KIF24: variants seen among roughly 807,000 people sequenced by gnomAD.
The protein encoded by KIF24 is kinesin-like protein KIF24.
KIF24 carries 81 observed loss-of-function variants against 118.9 expected under a neutral mutation model. The ratio of observed to expected loss-of-function variants is 0.68; its 90% CI spans 0.57 to 0.82. KIF24 has a LOEUF of 0.82. Ranked by LOEUF, KIF24 falls within the 40% of genes least tolerant of loss-of-function variation. The pLI is 0.00. For missense variants in KIF24, 1,560 were observed against 1,661.6 expected (o/e 0.94, Z 1.06); for synonymous variants, 599 against 610.0 (o/e 0.98, Z 0.27).
chr9:34,276,355 T>A (rs965857975), intron 6 of KIF24, among the ~76,000 whole-genome samples: 4 of 146,526 alleles, frequency 2.7e-5, no homozygotes, highest in African/African-American at 7.7e-5. Context: ...TGAGCTGAGA[T>A]CGTGCCATTG....
At chr9:34,272,986 T>C (rs1005127110) in intron 6 of KIF24, among the ~76,000 whole-genome samples, 3 of 151,962 alleles carry the variant, frequency 2.0e-5, no homozygotes, top group Non-Finnish European at 4.4e-5. Flanking sequence ...AATCCCAGCT[T>C]CTCAGAAGTT....
At position 34,253,184 on chromosome 9, in the gene KIF24, C is replaced by CTTCT. The variant is rs1302420331; in HGVS notation, c.*1192_*1195dup. 4 of 152,256 alleles carry CTTCT rather than the reference C, an allele frequency of 2.6e-5. No homozygotes were observed. Among genetic ancestry groups the CTTCT allele is most frequent in the Non-Finnish European group, 4.4e-5 (3 of 68,042 alleles). 9.4% of individuals were successfully genotyped at this position (152,256 alleles called of 1,614,324 possible). ...TGTCTCAAGAGAGCCATTTAACCCT[C>CTTCT]TTCTTGGCCTTTTAATTAAGCCCTC... On this transcript the variant is annotated 3_prime_UTR_variant, in exon 13 of 13. Transcript: ENST00000402558.
At chr9:34,303,459 C>T (rs1456990438) in intron 3 of KIF24, among the ~76,000 whole-genome samples, 1 of 152,124 alleles carries the variant, frequency 6.6e-6, no homozygotes, top group Non-Finnish European at 1.5e-5. Context: ...TAATAGCTTT[C>T]CTAGTACTGA....
In KIF24 at chr9:34,285,370, G is replaced by A. The variant is rs548939894; in HGVS notation, c.1215+1247C>T. Among the ~76,000 whole-genome samples, 53 of 152,276 alleles carry A rather than the reference G, an allele frequency of 3.5e-4. 1 individual carries two copies. Among genetic ancestry groups the A allele is most frequent in the Non-Finnish European group, 5.1e-4 (35 of 68,016 alleles). On this transcript the variant is annotated intron_variant, in intron 6 of 12. Transcript: ENST00000402558. ...GGGCCAGGTGCGGTGGCTCACGCCT[G>A]TAATCCTAGCACTTTAAGAGGCCAA...
At chr9:34,323,724 G>A (rs1026360868) in intron 1 of KIF24, among the ~76,000 whole-genome samples, 1 of 152,128 alleles carries the variant, frequency 6.6e-6, no homozygotes, top group South Asian at 2.1e-4. Flanking sequence ...CATGGGACCA[G>A]GAATTATTTC....
chr9:34,287,459 C>T (rs1045204088), intron 5 of KIF24, among the ~76,000 whole-genome samples: 3 of 152,154 alleles, frequency 2.0e-5, no homozygotes, highest in African/African-American at 7.2e-5. Context: ...GGTCTACCAT[C>T]ATCATTAAAC....
intron 8 of KIF24, among the ~76,000 whole-genome samples, chr9:34,263,625 T>C (rs994165977): frequency 1.1e-4 from 17 of 152,124 alleles, no homozygotes; most frequent in African/African-American, 2.9e-4. Flanking sequence ...GAGTCAAGCA[T>C]AGATTCAGAT....
intron 2 of KIF24, among the ~76,000 whole-genome samples, chr9:34,307,078 A>AT (rs928326222): frequency 1.4e-4 from 22 of 151,912 alleles, no homozygotes; most frequent in African/African-American, 4.8e-4. Context: ...CTGAAAAAAA[A>AT]TTTTTTTTGA....
At chr9:34,277,571 T>C (rs116298015) in intron 6 of KIF24, among the ~76,000 whole-genome samples, 254 of 152,298 alleles carry the variant, frequency 1.7e-3, no homozygotes, top group African/African-American at 5.7e-3. Context: ...TTACAGACTT[T>C]TGAACTTGGG....
rs768953468 is a variant in KIF24 at position 34,257,487 on chromosome 9, T to C, written c.2120A>G (p.Gln707Arg). ...GKLSTKCKKVQTVQPVQKQLV... is the reference protein window; with the variant it reads ...GKLSTKCKKVRTVQPVQKQLV... ...CTGCTTCTGTACTGGCTGCACTGTC[T>C]GCACTTTCTTGCACTTGGTGGACAG... Residue 707 changes from glutamine to arginine, a missense_variant, in exon 11 of 13, where the codon CAG becomes CGG. Gln to Arg is a conservative substitution (Grantham distance 43). This residue lies in a region of KIF24 where 964 missense variants were observed against 988.0 expected (regional missense o/e 0.98). Coordinates refer to ENST00000402558, the MANE Select transcript of KIF24 (RefSeq NM_194313.4). The C allele has an allele frequency of 3.6e-5, 58 of 1,613,978 alleles. No homozygotes were observed. The highest frequency in any genetic ancestry group is 4.6e-5 in the Non-Finnish European group (54 of 1,179,920).
intron 1 of KIF24, among the ~76,000 whole-genome samples, chr9:34,326,507 C>T (rs1837676591): frequency 6.6e-6 from 1 of 152,158 alleles, no homozygotes; most frequent in South Asian, 2.1e-4. Flanking sequence ...GCTTACTTTA[C>T]ATTGGATGAT....
At chr9:34,276,356 C>T (rs569305415) in intron 6 of KIF24, among the ~76,000 whole-genome samples, 59 of 145,056 alleles carry the variant, frequency 4.1e-4, no homozygotes, top group African/African-American at 1.5e-3. Context: ...GAGCTGAGAT[C>T]GTGCCATTGC....
Position 34,318,730 on chromosome 9 carries a change from C to T in KIF24, c.-25-7359G>A, listed in dbSNP as rs1278060248. On this transcript the variant is annotated intron_variant, in intron 1 of 12. Coordinates refer to ENST00000402558, the MANE Select transcript of KIF24 (RefSeq NM_194313.4). The surrounding 1 kb of genome is among the most constrained non-coding windows in gnomAD (Gnocchi z 4.9). ...AGCTGAGCGACGAGGAGGTGCACGC[C>T]GGCGTGGGCGAGCCGCTGCGTTCAC... The T allele has an allele frequency of 9.3e-6, 14 of 1,503,520 alleles. No individual in the cohort carries two copies. The East Asian group carries it at 9.4e-5, about 10-fold the overall frequency. The allele number at this position is 1,503,520 out of a possible 1,614,324, so 93.1% of individuals were successfully genotyped here.
intron 9 of KIF24, 63 bp downstream of exon 9, chr9:34,263,038 A>G (rs558984995): frequency 1.6e-6 from 2 of 1,271,238 alleles, no homozygotes; most frequent in Non-Finnish European, 2.3e-6. Flanking sequence ...GAATGAACAA[A>G]TACATGAAAT....
At chr9:34,309,366 C>G (rs1175996568) in intron 2 of KIF24, among the ~76,000 whole-genome samples, 1 of 151,780 alleles carries the variant, frequency 6.6e-6, no homozygotes, top group African/African-American at 2.4e-5. Flanking sequence ...ATGGTGAAAC[C>G]CCACCTCTAC....
chr9:34,266,265 A>G (rs1352804130), intron 8 of KIF24, among the ~76,000 whole-genome samples: 1 of 152,170 alleles, frequency 6.6e-6, no homozygotes, highest in African/African-American at 2.4e-5. Context: ...AAAACAAAAA[A>G]TAACACCTTA....
chr9:34,329,256 C>A lies in KIF24; in HGVS notation c.-176G>T, dbSNP rs372272118. ...GCATCTCCATGGCAACGCCGCCAAG[C>A]GCCAGTTCGAACGCCCGCGCTGTGG... On this transcript the variant is annotated 5_prime_UTR_variant, in exon 1 of 13. Transcript: ENST00000402558. Among the ~76,000 whole-genome samples the A allele has an allele frequency of 7.9e-5, 12 of 152,256 alleles. No individual in the cohort carries two copies. Among genetic ancestry groups the A allele is most frequent in the Admixed American group, 5.2e-4 (8 of 15,292 alleles).
At chr9:34,298,097 G>A (rs1197778437) in intron 3 of KIF24, among the ~76,000 whole-genome samples, 4 of 152,134 alleles carry the variant, frequency 2.6e-5, no homozygotes, top group Admixed American at 2.6e-4. Flanking sequence ...AATTTGAAAG[G>A]GAGTGATGGA....
intron 4 of KIF24, among the ~76,000 whole-genome samples, chr9:34,290,673 C>G (rs760164544): frequency 2.2e-4 from 33 of 151,316 alleles, no homozygotes; most frequent in Admixed American, 5.9e-4. Context: ...GATCTCCACT[C>G]ACTGCAACCT....
Sources: gnomAD v4.1 joint callset for allele counts (sites outside exome capture counted in the v4.1 genomes callset) on GRCh38, gnomAD v4.1.1 for gene constraint, gnomAD v4.1.1 regional missense constraint, Gnocchi (gnomAD v3.1) non-coding constraint, MANE v1.5 for transcripts, NCBI Gene and HGNC (gene_info 2026-07-23, HGNC 2026-07-21) for gene names.